ANKRD6: variants seen among roughly 807,000 people sequenced by gnomAD.
The protein encoded by ANKRD6 is ankyrin repeat domain-containing protein 6.
In ANKRD6, 56 loss-of-function variants were observed where a neutral mutation model predicts 82.3. The ratio of observed to expected loss-of-function variants is 0.68; its 90% CI spans 0.55 to 0.85. The LOEUF (loss-of-function observed/expected upper bound fraction) is 0.85. ANKRD6 is among the 40% of genes least tolerant of loss of function. The pLI, the probability that ANKRD6 is intolerant of heterozygous loss-of-function variation, is 0.00. For missense variants in ANKRD6, 852 were observed against 907.6 expected, an observed-to-expected ratio of 0.94 and a Z score of 0.79; for synonymous variants, 347 against 352.1, an observed-to-expected ratio of 0.99 and a Z score of 0.16.
intron 2 of ANKRD6, among the ~76,000 whole-genome samples, chr6:89,583,489 T>C (rs374549398): frequency 6.6e-6 from 1 of 152,212 alleles, no homozygotes; most frequent in African/African-American, 2.4e-5. Context: ...CAGTGACTCA[T>C]GTTTCTAGCA....
At chr6:89,439,677 A>G (rs1190247224) in intron 1 of ANKRD6, among the ~76,000 whole-genome samples, 1 of 152,156 alleles carries the variant, frequency 6.6e-6, no homozygotes, top group African/African-American at 2.4e-5. Context: ...ATTAAAATTT[A>G]CCATCTTTTA....
chr6:89,542,848 AG>A (rs1319774410), intron 1 of ANKRD6, among the ~76,000 whole-genome samples: 1 of 152,206 alleles, frequency 6.6e-6, no homozygotes, highest in Admixed American at 6.5e-5. Context: ...ATTTACTGAA[AG>A]GTATTCTTAA....
chr6:89,457,839 T>C (rs1374174783), intron 1 of ANKRD6, among the ~76,000 whole-genome samples: 1 of 152,238 alleles, frequency 6.6e-6, no homozygotes, highest in Non-Finnish European at 1.5e-5. Context: ...TGTTATAGAC[T>C]GAATGTTTGT....
intron 1 of ANKRD6, chr6:89,562,558 C>T (rs947074505): frequency 2.2e-4 from 33 of 152,342 alleles, no homozygotes; most frequent in African/African-American, 6.7e-4. Context: ...GTGAATTGTT[C>T]CCTGACTTCA....
intron 2 of ANKRD6, among the ~76,000 whole-genome samples, chr6:89,579,277 G>A (rs978162609): frequency 2.0e-5 from 3 of 152,196 alleles, no homozygotes; most frequent in Non-Finnish European, 4.4e-5. Context: ...ACCTGAATCA[G>A]TATATGCAAA....
At position 89,631,530 on chromosome 6, in the gene ANKRD6, C is replaced by T. The variant is rs1807393294; in HGVS notation, c.*526C>T. On this transcript the variant is annotated 3_prime_UTR_variant, in exon 16 of 16. Coordinates refer to ENST00000339746, the MANE Select transcript of ANKRD6 (RefSeq NM_001242809.2). ...ATTCTCCAACTGTTGACATTTTAAT[C>T]ACATGAAAAGTTATCAGATTTTTGA... 1 of 152,154 alleles carries T rather than the reference C, an allele frequency of 6.6e-6. No individual in the cohort carries two copies. The highest frequency in any genetic ancestry group is 1.5e-5 in the Non-Finnish European group (1 of 68,042). The allele number at this position is 152,154 out of a possible 1,614,324, so 9.4% of individuals were successfully genotyped here.
At chr6:89,607,351 G>C (rs1798956913) in intron 5 of ANKRD6, among the ~76,000 whole-genome samples, 2 of 152,004 alleles carry the variant, frequency 1.3e-5, no homozygotes, top group African/African-American at 4.8e-5. Flanking sequence ...TAACTGTGGG[G>C]AGGGAGACTT....
rs377342229 is a variant in ANKRD6 at position 89,623,840 on chromosome 6, G to A, written c.1033-32G>A. 1.4e-4 allele frequency: 219 copies of A among 1,595,792 alleles called. 1 individual carries two copies. The highest frequency in any genetic ancestry group is 2.0e-4 in the Middle Eastern group (1 of 4,932). On this transcript the variant is annotated intron_variant, in intron 11 of 15. Coordinates refer to ENST00000339746, the MANE Select transcript of ANKRD6 (RefSeq NM_001242809.2). ...GTGTCAGTCTTGCAGAGGTCAAAGC[G>A]TTCAGGGGTGTTGTCTCTTCCTCTC...
rs12206960 is a variant in ANKRD6, at chr6:89,606,234, A to G, written c.417+129A>G. 0.052 allele frequency: 34,896 copies of G among 671,928 alleles called. 1,196 individuals carry two copies. The highest frequency in any genetic ancestry group is 0.067 in the Non-Finnish European group (28,119 of 420,586). The allele number at this position is 671,928 out of a possible 1,614,324, so 41.6% of individuals were successfully genotyped here. On this transcript the variant is annotated intron_variant, in intron 5 of 15. Transcript: ENST00000339746. ...AGTGGCACGAGGAACCTGAAGGTCC[A>G]TTCGGCCCAGAAGTTTCATTTGCAG...
At chr6:89,546,431 A>C (rs1785102433) in intron 1 of ANKRD6, among the ~76,000 whole-genome samples, 1 of 150,816 alleles carries the variant, frequency 6.6e-6, no homozygotes, top group African/African-American at 2.4e-5. Context: ...GGGGGGACAG[A>C]AGGGCTGAAA....
At chr6:89,601,088 T>C (rs1797038633) in intron 3 of ANKRD6, among the ~76,000 whole-genome samples, 1 of 152,138 alleles carries the variant, frequency 6.6e-6, no homozygotes, top group African/African-American at 2.4e-5. Context: ...TGATTACTAG[T>C]TTCCTTGTCT....
rs1235138693 is a variant in ANKRD6, at chr6:89,631,811, C to G, written c.*807C>G. 1 of 152,132 alleles carries G rather than the reference C, an allele frequency of 6.6e-6. No individual in the cohort carries two copies. The highest frequency in any genetic ancestry group is 1.5e-5 in the Non-Finnish European group (1 of 68,036). 9.4% of individuals were successfully genotyped at this position (152,132 alleles called of 1,614,324 possible). ...AATTTATAACCTATTCCTAATCAAA[C>G]CCAATTATATCAGAATACCTTTCTG... On this transcript the variant is annotated 3_prime_UTR_variant, in exon 16 of 16. Transcript: ENST00000339746.
At chr6:89,564,615 T>C (rs981021091) in intron 1 of ANKRD6, among the ~76,000 whole-genome samples, 1 of 152,094 alleles carries the variant, frequency 6.6e-6, no homozygotes, top group African/African-American at 2.4e-5. Flanking sequence ...CTGAGGAGGC[T>C]GCACAGCACT....
At chr6:89,465,233 C>T (rs1199808234) in intron 1 of ANKRD6, among the ~76,000 whole-genome samples, 1 of 151,408 alleles carries the variant, frequency 6.6e-6, no homozygotes, top group East Asian at 1.9e-4. Context: ...AATTCTCCTG[C>T]CTCAGCCTCC....
chr6:89,563,611 G>A (rs1311568728), intron 1 of ANKRD6, among the ~76,000 whole-genome samples: 2 of 152,160 alleles, frequency 1.3e-5, no homozygotes, highest in Non-Finnish European at 2.9e-5. Flanking sequence ...GTAGCCAACA[G>A]GTTGGCAGTG....
intron 1 of ANKRD6, among the ~76,000 whole-genome samples, chr6:89,554,136 C>T (rs1300578523): frequency 6.6e-6 from 1 of 152,126 alleles, no homozygotes; most frequent in Non-Finnish European, 1.5e-5. Context: ...CTTTGACTGC[C>T]GTAACAAACC....
intron 9 of ANKRD6, chr6:89,620,233 G>A (rs1479451570): frequency 6.6e-6 from 1 of 152,198 alleles, no homozygotes; most frequent in Non-Finnish European, 1.5e-5. Flanking sequence ...ATCCCATTTC[G>A]TAGATGGTCT....
chr6:89,449,716 C>T (rs887800140), intron 1 of ANKRD6, among the ~76,000 whole-genome samples: 7 of 152,148 alleles, frequency 4.6e-5, no homozygotes, highest in African/African-American at 1.7e-4. Flanking sequence ...TTATGTGAAC[C>T]TCTCATTCTG....
chr6:89,605,774 C>G (rs779327510), intron 4 of ANKRD6, among the ~76,000 whole-genome samples: 3 of 152,176 alleles, frequency 2.0e-5, no homozygotes, highest in Non-Finnish European at 4.4e-5. Context: ...CATGGTTCGT[C>G]ATGGATTCAT....
Sources: gnomAD v4.1 joint callset for allele counts (sites outside exome capture counted in the v4.1 genomes callset) on GRCh38, gnomAD v4.1.1 for gene constraint, MANE v1.5 for transcripts, NCBI Gene and HGNC (gene_info 2026-07-23, HGNC 2026-07-21) for gene names.